The following SETD5 variants were observed in gnomAD, a reference collection of about 807,000 sequenced individuals.
SETD5 encodes the protein SET domain containing 5.
In SETD5, 44 loss-of-function variants were observed where a neutral mutation model predicts 153.3. That is an observed-to-expected ratio of 0.29 (90% CI 0.23 to 0.37). The LOEUF (loss-of-function observed/expected upper bound fraction) is 0.37. Among genes scored for constraint, SETD5 ranks in the 10% least tolerant of loss-of-function variants. The probability of loss-of-function intolerance (pLI) is 1.00; values close to 1 mark genes in which losing one functional copy is unlikely to be tolerated. For synonymous variants in SETD5, 716 were observed against 645.2 expected, an observed-to-expected ratio of 1.11 and a Z score of -1.66; for missense variants, 1,544 against 1,768.0, an observed-to-expected ratio of 0.87 and a Z score of 2.27.
At chr3:9,456,604 A>G (rs1053769746) in intron 17 of SETD5, among the ~76,000 whole-genome samples, 1 of 152,306 alleles carries the variant, frequency 6.6e-6, no homozygotes, top group South Asian at 2.1e-4. Context: ...TATCAGGCCC[A>G]TAAGAGTAAT....
intron 1 of SETD5, among the ~76,000 whole-genome samples, chr3:9,399,392 C>T (rs547070691): frequency 6.6e-6 from 1 of 151,706 alleles, no homozygotes; most frequent in Non-Finnish European, 1.5e-5. Flanking sequence ...AGAATACCCA[C>T]GTAATCAGAG....
At position 9,470,821 on chromosome 3, in the gene SETD5, T is replaced by C. The variant is rs767506777; in HGVS notation, c.3087T>C (p.Tyr1029=). 39 of 1,613,246 alleles carry C rather than the reference T, an allele frequency of 2.4e-5. No individual in the cohort carries two copies. The highest frequency in any genetic ancestry group is 3.1e-5 in the Non-Finnish European group (36 of 1,179,564). ...CTGCAGAAGGATTTTCCAGCAGATA[T>C]GAACATGGCTTAATGAAAGACCTCT... is the stretch of plus-strand genomic sequence containing the variant. ...CSPAEGFSSR[Y]EHGLMKDLSR... The change falls in exon 19 of 23, where the codon TAT becomes TAC. Residue 1029 remains tyrosine, a synonymous_variant. Transcript: ENST00000402198.
Position 9,456,303 on chromosome 3 carries a change from C to T in SETD5, c.2476+2435C>T, listed in dbSNP as rs192611824. Among the ~76,000 whole-genome samples, 4 of 151,976 alleles carry T rather than the reference C, an allele frequency of 2.6e-5. No homozygotes were observed. In the East Asian group the frequency reaches 7.8e-4, roughly 30 times the overall value. ...CCAGCCTGGCCAACATGGTGAAACC[C>T]TGTCTCTACTAAAAATACAAAAATT... is the stretch of plus-strand genomic sequence containing the variant. On this transcript the variant is annotated intron_variant, in intron 17 of 22. Transcript: ENST00000402198.
intron 17 of SETD5, among the ~76,000 whole-genome samples, chr3:9,454,932 A>C (rs2043050477): frequency 6.6e-6 from 1 of 152,080 alleles, no homozygotes; most frequent in South Asian, 2.1e-4. Flanking sequence ...TGCTAAAGCA[A>C]CCTTTCAGGT....
At chr3:9,419,705 A>G (rs1443692412) in intron 1 of SETD5, among the ~76,000 whole-genome samples, 1 of 152,226 alleles carries the variant, frequency 6.6e-6, no homozygotes, top group Admixed American at 6.5e-5. Flanking sequence ...TGAACTTCAT[A>G]CAAGTTAATC....
chr3:9,439,382 A>G (rs775027075), intron 7 of SETD5, among the ~76,000 whole-genome samples: 1 of 152,232 alleles, frequency 6.6e-6, no homozygotes, highest in Non-Finnish European at 1.5e-5. Context: ...CAAAAGTGGT[A>G]AAAGAAAGTG....
intron 1 of SETD5, among the ~76,000 whole-genome samples, chr3:9,421,029 A>G (rs1160013566): frequency 1.3e-5 from 2 of 151,358 alleles, no homozygotes; most frequent in African/African-American, 4.9e-5. Context: ...ATGCTGTTCC[A>G]TGTGCTCCTA....
At position 9,445,038 on chromosome 3, in the gene SETD5, T is replaced by C. The variant is rs2041771862; in HGVS notation, c.1188-10T>C. 3 of 1,610,610 alleles carry C rather than the reference T, an allele frequency of 1.9e-6. No homozygotes were observed. The East Asian group carries it at 6.7e-5, about 36-fold the overall frequency. On this transcript the variant is annotated splice_polypyrimidine_tract_variant and intron_variant, in intron 11 of 22. Coordinates refer to ENST00000402198, the MANE Select transcript of SETD5 (RefSeq NM_001080517.3). ...CTGAGACAGGCATTTTGGTTGTTTCTTTGGAGCAGTAATTATAAAGTGGAC... is the reference window on the plus strand; with the variant it reads ...CTGAGACAGGCATTTTGGTTGTTTCCTTGGAGCAGTAATTATAAAGTGGAC...
At chr3:9,472,875 C>T (rs2045469807) in intron 19 of SETD5, among the ~76,000 whole-genome samples, 1 of 152,136 alleles carries the variant, frequency 6.6e-6, no homozygotes, top group Admixed American at 6.5e-5. Context: ...TCTCTAGGTA[C>T]TTCCATTGTT....
In SETD5 at chr3:9,468,024, G is replaced by A. The variant is rs549659018; in HGVS notation, c.2725-2435G>A. On this transcript the variant is annotated intron_variant, in intron 18 of 22. Coordinates refer to ENST00000402198, the MANE Select transcript of SETD5 (RefSeq NM_001080517.3). ...ATCTCCCTAACCATGTCAGCCCCCAGCACACTAATGTCTCCCCCTGGATAG... is the reference window on the plus strand; with the variant it reads ...ATCTCCCTAACCATGTCAGCCCCCAACACACTAATGTCTCCCCCTGGATAG... Among the ~76,000 whole-genome samples, 7 of 151,258 alleles carry A rather than the reference G, an allele frequency of 4.6e-5. No homozygotes were observed. In the South Asian group the frequency reaches 1.5e-3, roughly 32 times the overall value.
intron 3 of SETD5, chr3:9,430,137 G>T (rs1483018602): frequency 3.9e-6 from 4 of 1,014,678 alleles, no homozygotes; most frequent in East Asian, 1.0e-4. Flanking sequence ...CAAAGCAACT[G>T]TACCAGATTT....
intron 17 of SETD5, among the ~76,000 whole-genome samples, chr3:9,454,551 G>A (rs1265802915): frequency 7.0e-6 from 1 of 143,424 alleles, no homozygotes; most frequent in African/African-American, 2.5e-5. Context: ...GAACCCGGGA[G>A]GTGGAGGTTA....
chr3:9,474,161 A>T (rs1308361913), intron 20 of SETD5, among the ~76,000 whole-genome samples: 1 of 152,346 alleles, frequency 6.6e-6, no homozygotes, highest in Admixed American at 6.5e-5. Context: ...TATCAGGCAC[A>T]TGATTTCCTA....
At chr3:9,399,776 GTTTC>G (rs1251071489) in intron 1 of SETD5, among the ~76,000 whole-genome samples, 8 of 148,138 alleles carry the variant, frequency 5.4e-5, no homozygotes, top group Non-Finnish European at 1.2e-4. Flanking sequence ...CCTTAGGATT[GTTTC>G]TTTCTTAAAA....
chr3:9,434,234 G>T lies in SETD5; in HGVS notation c.178-100G>T, dbSNP rs1185317023. 1 of 1,547,132 alleles carries T rather than the reference G, an allele frequency of 6.5e-7. No individual in the cohort carries two copies. The highest frequency in any genetic ancestry group is 8.8e-7 in the Non-Finnish European group (1 of 1,131,686). The stretch of plus-strand genomic sequence containing the variant: ...GTACCATACTTTAGGGGAGAGAGGG[G>T]CCAGTGTTTGGACACTGTTGATTTA... On this transcript the variant is annotated intron_variant, in intron 4 of 22. Coordinates refer to ENST00000402198, the MANE Select transcript of SETD5 (RefSeq NM_001080517.3). This position sits in a 1 kb window ranked among gnomAD's most constrained non-coding sequence, Gnocchi z 5.6.
rs2040358992 is a variant in SETD5 at position 9,434,796 on chromosome 3, C to G, written c.330-28C>G. ...GATGTGATGCATGCTGTTGGAAGGACTACTTTAAGTTTATTTTCCCTCTTT... is the reference window on the plus strand; with the variant it reads ...GATGTGATGCATGCTGTTGGAAGGAGTACTTTAAGTTTATTTTCCCTCTTT... On this transcript the variant is annotated intron_variant, in intron 5 of 22. Coordinates refer to ENST00000402198, the MANE Select transcript of SETD5 (RefSeq NM_001080517.3). This position sits in a 1 kb window ranked among gnomAD's most constrained non-coding sequence, Gnocchi z 5.6. 6.2e-7 allele frequency: 1 copy of G among 1,604,920 alleles called. No individual in the cohort carries two copies. Among genetic ancestry groups the G allele is most frequent in the African/African-American group, 1.3e-5 (1 of 74,810 alleles).
rs1377615470 is a variant in SETD5, at chr3:9,460,745, T to TA, written c.2477-3679dup. Reference sequence around the variant, plus strand: ...TTGGAAGAAGGTGCTGGCTATTTGTTATGGGGAAAGGATGGATTAATTGCT... The same window carrying TA: ...TTGGAAGAAGGTGCTGGCTATTTGTTAATGGGGAAAGGATGGATTAATTGCT... On this transcript the variant is annotated intron_variant, in intron 17 of 22. Coordinates refer to ENST00000402198, the MANE Select transcript of SETD5 (RefSeq NM_001080517.3). Among the ~76,000 whole-genome samples the TA allele has an allele frequency of 2.0e-5, 3 of 152,318 alleles. No individual in the cohort carries two copies. In the East Asian group the frequency reaches 5.8e-4, roughly 29 times the overall value.
rs534248981 is a variant in SETD5 at position 9,433,111 on chromosome 3, A to G, written c.72-734A>G. On this transcript the variant is annotated intron_variant, in intron 3 of 22. Coordinates refer to ENST00000402198, the MANE Select transcript of SETD5 (RefSeq NM_001080517.3). ...AATATGTATTTAAAGCACCTAACAA[A>G]TATTGGGCAGTTCACAATGGTAGCC... is the stretch of plus-strand genomic sequence containing the variant. 2.0e-5 allele frequency among the ~76,000 whole-genome samples: 3 copies of G among 152,342 alleles called. No individual in the cohort carries two copies. The South Asian group carries it at 6.2e-4, about 32-fold the overall frequency.
At chr3:9,447,004 G>T in intron 13 of SETD5, 46 bp from the exon 14 acceptor site, 1 of 1,447,764 alleles carries the variant, frequency 6.9e-7, no homozygotes, top group Non-Finnish European at 9.4e-7. Flanking sequence ...CTATCCACTC[G>T]TCCTCATTTG....
Sources: allele counts gnomAD v4.1 joint callset (sites outside exome capture counted in the v4.1 genomes callset), GRCh38; gene constraint gnomAD v4.1.1; non-coding constraint Gnocchi (gnomAD v3.1); transcripts MANE v1.5; gene names NCBI Gene and HGNC (gene_info 2026-07-23, HGNC 2026-07-21).